The following PIK3C3 variants were observed in gnomAD, a reference collection of about 807,000 sequenced individuals.
PIK3C3 encodes phosphatidylinositol 3-kinase catalytic subunit type 3.
A neutral mutation model predicts 126.1 loss-of-function variants in PIK3C3; 95 were observed. The observed-to-expected ratio is 0.75, with a 90% confidence interval of 0.64 to 0.89. The LOEUF is 0.89. Ranked by LOEUF, PIK3C3 falls within the 40% of genes least tolerant of loss-of-function variation. The pLI, the probability that PIK3C3 is intolerant of heterozygous loss-of-function variation, is 0.00. For missense variants in PIK3C3, 829 were observed against 1,063.2 expected, an observed-to-expected ratio of 0.78 and a Z score of 3.06; for synonymous variants, 374 against 360.0, an observed-to-expected ratio of 1.04 and a Z score of -0.44.
intron 1 of PIK3C3, among the ~76,000 whole-genome samples, chr18:41,957,118 T>C (rs1343846899): frequency 3.3e-5 from 5 of 152,228 alleles, no homozygotes; most frequent in Admixed American, 6.5e-5. Context: ...TATTTTATTG[T>C]AATACTGTAT....
At chr18:41,970,198 G>A (rs1980586582) in intron 3 of PIK3C3, 129 bp from the exon 4 acceptor site, 1 of 723,432 alleles carries the variant, frequency 1.4e-6, no homozygotes, top group Non-Finnish European at 2.3e-6. Context: ...ATTCCATTGG[G>A]GGCTTAAAGC....
intron 4 of PIK3C3, chr18:41,984,762 T>C (rs993542877): frequency 6.6e-6 from 1 of 152,192 alleles, no homozygotes; most frequent in Non-Finnish European, 1.5e-5. Context: ...GACTCTCTGA[T>C]AAGTAAGCGC....
intron 8 of PIK3C3, among the ~76,000 whole-genome samples, chr18:41,996,418 A>G (rs1259829615): frequency 1.3e-5 from 2 of 152,106 alleles, no homozygotes; most frequent in African/African-American, 4.8e-5. Context: ...ATATTTTCCT[A>G]TGGAATATGA....
intron 5 of PIK3C3, 47 bp downstream of exon 5, chr18:41,987,945 T>A (rs1402241953): frequency 1.4e-5 from 16 of 1,138,632 alleles, no homozygotes; most frequent in East Asian, 2.6e-5. Context: ...TGTAAATTTT[T>A]AAATTAACAA....
intron 19 of PIK3C3, among the ~76,000 whole-genome samples, chr18:42,042,465 A>G (rs1170423108): frequency 6.6e-6 from 1 of 152,212 alleles, no homozygotes; most frequent in Non-Finnish European, 1.5e-5. Flanking sequence ...CCCGTTTAAC[A>G]TACCCTTCAA....
chr18:42,029,288 A>G, intron 14 of PIK3C3, 37 bp from the exon 15 acceptor site: 1 of 1,223,872 alleles, frequency 8.2e-7, no homozygotes, highest in Non-Finnish European at 1.2e-6. Flanking sequence ...TCATTACGCA[A>G]CATAGAACTA....
chr18:42,022,171 G>C (rs933106692), intron 13 of PIK3C3, among the ~76,000 whole-genome samples: 2 of 151,980 alleles, frequency 1.3e-5, no homozygotes, highest in African/African-American at 4.8e-5. Flanking sequence ...TTAAGTTTTA[G>C]GGTACATGTG....
rs1986375689 is a variant in PIK3C3 at position 42,085,242 on chromosome 18, CT to C, written c.*4109del. 6.6e-6 allele frequency: 1 copy of C among 152,098 alleles called. No homozygotes were observed. The highest frequency in any genetic ancestry group is 6.5e-5 in the Admixed American group (1 of 15,278). 9.4% of individuals were successfully genotyped at this position (152,098 alleles called of 1,614,324 possible). A position where few individuals can be genotyped will look rare whatever the true frequency, so the allele number is the denominator to read the frequency against. ...ATTGCATTTCAACACTAGTTTTTTACTTTTATCTACCCTGAGGGTAGATAAC... is the reference window on the plus strand; with the variant it reads ...ATTGCATTTCAACACTAGTTTTTTACTTTATCTACCCTGAGGGTAGATAAC... On this transcript the variant is annotated 3_prime_UTR_variant, in exon 25 of 25. Coordinates refer to ENST00000262039, the MANE Select transcript of PIK3C3 (RefSeq NM_002647.4).
intron 10 of PIK3C3, among the ~76,000 whole-genome samples, chr18:42,007,101 A>G (rs1982586377): frequency 2.6e-5 from 4 of 152,012 alleles, no homozygotes; most frequent in Non-Finnish European, 5.9e-5. Context: ...ATCTCCTGAC[A>G]TCGTGATCCG....
intron 20 of PIK3C3, among the ~76,000 whole-genome samples, chr18:42,045,747 T>C (rs1174483091): frequency 6.6e-6 from 1 of 152,154 alleles, no homozygotes; most frequent in Non-Finnish European, 1.5e-5. Context: ...ATGAAAAGGG[T>C]GTCACAGAAT....
In PIK3C3 at chr18:42,087,332, A is replaced by G. The variant is rs985373452; in HGVS notation, c.*6195A>G. ...GTCCGGTTTGAGGAGGTGGTTTCTG[A>G]TTGGTTGCATCATGTATGACGTTTG... On this transcript the variant is annotated 3_prime_UTR_variant, in exon 25 of 25. Transcript: ENST00000262039. 1 of 152,124 alleles carries G rather than the reference A, an allele frequency of 6.6e-6. No individual in the cohort carries two copies. The highest frequency in any genetic ancestry group is 1.5e-5 in the Non-Finnish European group (1 of 68,062). The allele number at this position is 152,124 out of a possible 1,614,324, so 9.4% of individuals were successfully genotyped here.
At chr18:42,028,176 A>G (rs1983659427) in intron 14 of PIK3C3, among the ~76,000 whole-genome samples, 1 of 152,138 alleles carries the variant, frequency 6.6e-6, no homozygotes, top group South Asian at 2.1e-4. Flanking sequence ...TTGACCCTTT[A>G]CAGAAGTTTT....
chr18:41,982,535 T>C (rs1981258762), intron 4 of PIK3C3, among the ~76,000 whole-genome samples: 1 of 152,236 alleles, frequency 6.6e-6, no homozygotes, highest in Admixed American at 6.5e-5. Context: ...GGCTAATCTT[T>C]AGTGGTTTTC....
chr18:41,959,595 C>A (rs556077049), intron 2 of PIK3C3, among the ~76,000 whole-genome samples: 4 of 152,010 alleles, frequency 2.6e-5, no homozygotes, highest in African/African-American at 9.7e-5. Context: ...GTCAGGAGTT[C>A]AAGACCAGCC....
intron 24 of PIK3C3, among the ~76,000 whole-genome samples, chr18:42,076,091 T>C (rs1339578540): frequency 6.2e-5 from 3 of 48,198 alleles, no homozygotes; most frequent in African/African-American, 2.4e-4. Flanking sequence ...TTACCTTGCA[T>C]ATATATATAT....
intron 23 of PIK3C3, among the ~76,000 whole-genome samples, chr18:42,066,552 G>A (rs892461243): frequency 2.0e-5 from 3 of 152,126 alleles, no homozygotes; most frequent in Admixed American, 6.5e-5. Flanking sequence ...AGCCGGCTTC[G>A]TGAATTCTCT....
At chr18:42,004,760 C>T (rs1982462155) in intron 10 of PIK3C3, among the ~76,000 whole-genome samples, 1 of 152,146 alleles carries the variant, frequency 6.6e-6, no homozygotes, top group African/African-American at 2.4e-5. Context: ...ACTTCCTGAT[C>T]TGTTACGTGG....
intron 13 of PIK3C3, chr18:42,025,952 C>T (rs1484007272): frequency 1.3e-5 from 2 of 152,148 alleles, no homozygotes; most frequent in Non-Finnish European, 2.9e-5. Flanking sequence ...AAGCCCTCAG[C>T]TCTCATGAAG....
chr18:42,068,172 C>T (rs902184081), intron 24 of PIK3C3, among the ~76,000 whole-genome samples: 3 of 152,166 alleles, frequency 2.0e-5, no homozygotes, highest in Non-Finnish European at 4.4e-5. Context: ...TGAATTTTCC[C>T]TCAGCCAGTG....
Sources: gnomAD v4.1 joint callset for allele counts (sites outside exome capture counted in the v4.1 genomes callset) on GRCh38, gnomAD v4.1.1 for gene constraint, MANE v1.5 for transcripts, NCBI Gene and HGNC (gene_info 2026-07-23, HGNC 2026-07-21) for gene names.